The following PRKG2 variants were observed in gnomAD, a reference collection of about 807,000 sequenced individuals.
PRKG2 encodes the protein protein kinase cGMP-dependent 2, also known as cGMP-dependent protein kinase 2.
PRKG2 carries 33 observed loss-of-function variants against 97.2 expected under a neutral mutation model. That is an observed-to-expected ratio of 0.34 (90% CI 0.26 to 0.45). The LOEUF is 0.45. Among genes scored for constraint, PRKG2 ranks in the 20% least tolerant of loss-of-function variants. The pLI, the probability that PRKG2 is intolerant of heterozygous loss-of-function variation, is 1.00. For missense variants in PRKG2, 638 were observed against 900.0 expected (o/e 0.71, Z 3.73); for synonymous variants, 330 against 321.8 (o/e 1.03, Z -0.27).
intron 17 of PRKG2, among the ~76,000 whole-genome samples, chr4:81,100,645 C>G (rs568443454): frequency 1.6e-4 from 24 of 152,310 alleles, no homozygotes; most frequent in Non-Finnish European, 2.9e-4. Flanking sequence ...CCATTCAGGA[C>G]ATAGGCGTGG....
intron 1 of PRKG2, among the ~76,000 whole-genome samples, chr4:81,205,274 A>C (rs1181038993): frequency 6.6e-6 from 1 of 151,416 alleles, no homozygotes; most frequent in Non-Finnish European, 1.5e-5. Context: ...ATTTGGGTTC[A>C]TTCTTACCTG....
intron 2 of PRKG2, among the ~76,000 whole-genome samples, chr4:81,191,472 T>C (rs571949857): frequency 2.4e-4 from 37 of 152,102 alleles, no homozygotes; most frequent in African/African-American, 8.7e-4. Flanking sequence ...TTAGGAGAAA[T>C]ACCTAATGTA....
chr4:81,087,707 G>A lies in PRKG2; in HGVS notation c.*2001C>T, dbSNP rs1741230037. 6.6e-6 allele frequency: 1 copy of A among 152,098 alleles called. No homozygotes were observed. Among genetic ancestry groups the A allele is most frequent in the South Asian group, 2.1e-4 (1 of 4,832 alleles). The allele number at this position is 152,098 out of a possible 1,614,324, so 9.4% of individuals were successfully genotyped here. On this transcript the variant is annotated 3_prime_UTR_variant, in exon 19 of 19. Transcript: ENST00000264399. ...CACTTTCCCAGAGTCACTCAGTTAG[G>A]AAATGGTGGAGTTGGGATTATTCAA...
chr4:81,198,014 C>G (rs1753068487), intron 2 of PRKG2, among the ~76,000 whole-genome samples: 3 of 152,166 alleles, frequency 2.0e-5, no homozygotes, highest in Non-Finnish European at 4.4e-5. Context: ...CATTGTGCAT[C>G]CCCTTAGGAA....
At chr4:81,159,627 A>G (rs1749431479) in intron 6 of PRKG2, among the ~76,000 whole-genome samples, 2 of 152,170 alleles carry the variant, frequency 1.3e-5, no homozygotes, top group Non-Finnish European at 2.9e-5. Flanking sequence ...CCAAAGGACT[A>G]TAAATCATGC....
chr4:81,198,463 T>C (rs1753097978), intron 2 of PRKG2, among the ~76,000 whole-genome samples: 1 of 152,134 alleles, frequency 6.6e-6, no homozygotes, highest in Admixed American at 6.5e-5. Flanking sequence ...ACCTCTTCCT[T>C]TTTTTGGAGC....
Position 81,139,683 on chromosome 4 carries a change from G to A in PRKG2, c.1544+850C>T, listed in dbSNP as rs11937015. Among the ~76,000 whole-genome samples the A allele has an allele frequency of 1.6e-4, 24 of 150,936 alleles. 1 individual carries two copies. The South Asian group carries it at 2.9e-3, about 18-fold the overall frequency. ...CCAGCTACTCTGGAGGCTGAGGCAGGAGAATGGCGTGAACCCCAGAGGCGG... is the reference window on the plus strand; with the variant it reads ...CCAGCTACTCTGGAGGCTGAGGCAGAAGAATGGCGTGAACCCCAGAGGCGG... On this transcript the variant is annotated intron_variant, in intron 12 of 18. Transcript: ENST00000264399.
chr4:81,171,066 A>G (rs780251533), intron 4 of PRKG2, among the ~76,000 whole-genome samples: 2 of 152,116 alleles, frequency 1.3e-5, no homozygotes, highest in African/African-American at 2.4e-5. Flanking sequence ...TTTGTTTCAT[A>G]GATAAACGTG....
rs548139863 is a variant in PRKG2, at chr4:81,159,041, T to G, written c.913-5320A>C. Among the ~76,000 whole-genome samples, 41 of 152,214 alleles carry G rather than the reference T, an allele frequency of 2.7e-4. No homozygotes were observed. The South Asian group carries it at 8.1e-3, about 30-fold the overall frequency. Reference sequence around the variant, plus strand: ...AACCTAGGCATTACCATTCGGGACATAGGCATGGGCAAGGACTTCATGTCT... The same window carrying G: ...AACCTAGGCATTACCATTCGGGACAGAGGCATGGGCAAGGACTTCATGTCT... On this transcript the variant is annotated intron_variant, in intron 6 of 18. Coordinates refer to ENST00000264399, the MANE Select transcript of PRKG2 (RefSeq NM_006259.3).
chr4:81,145,491 G>A (rs1346009390), intron 9 of PRKG2, among the ~76,000 whole-genome samples: 5 of 151,900 alleles, frequency 3.3e-5, no homozygotes, highest in Non-Finnish European at 7.4e-5. Context: ...GTAGTTCTCT[G>A]AGGATCAGCC....
chr4:81,104,747 G>A (rs1423355026), intron 16 of PRKG2, among the ~76,000 whole-genome samples: 2 of 151,916 alleles, frequency 1.3e-5, no homozygotes, highest in Admixed American at 6.6e-5. Context: ...TGAGAAAACC[G>A]GGGCAAGCTT....
rs1013053056 is a variant in PRKG2 at position 81,096,634 on chromosome 4, T to C, written c.2127-4182A>G. On this transcript the variant is annotated intron_variant, in intron 17 of 18. Coordinates refer to ENST00000264399, the MANE Select transcript of PRKG2 (RefSeq NM_006259.3). ...GTTTATGTAATATTTAAATCCTTTG[T>C]TGTCATTTCAACAATATTCACAGCA... Among the ~76,000 whole-genome samples, 20 of 152,310 alleles carry C rather than the reference T, an allele frequency of 1.3e-4. No homozygotes were observed. The South Asian group carries it at 4.1e-3, about 32-fold the overall frequency.
At chr4:81,106,840 T>A (rs1743393451) in intron 15 of PRKG2, among the ~76,000 whole-genome samples, 1 of 152,206 alleles carries the variant, frequency 6.6e-6, no homozygotes, top group South Asian at 2.1e-4. Context: ...GCTAGTTGCC[T>A]GGCTTTTGGC....
At chr4:81,216,552 A>G (rs1326253641), upstream of PRKG2, among the ~76,000 whole-genome samples, 1 of 152,150 alleles carries the variant, frequency 6.6e-6, no homozygotes, top group East Asian at 1.9e-4. Context: ...AAAATTTCAG[A>G]TTCAGGGGTA....
chr4:81,163,321 A>T (rs1179768668), intron 6 of PRKG2, among the ~76,000 whole-genome samples: 1 of 152,144 alleles, frequency 6.6e-6, no homozygotes, highest in Admixed American at 6.5e-5. Context: ...GAGAAATGCA[A>T]ATAGTGTGGT....
At chr4:81,169,591 T>G (rs1484105145) in intron 5 of PRKG2, 72 bp downstream of exon 5, 10 of 1,094,954 alleles carry the variant, frequency 9.1e-6, no homozygotes, top group Non-Finnish European at 1.2e-5. Context: ...GAATAATTAT[T>G]CTGATAAAAC....
intron 5 of PRKG2, among the ~76,000 whole-genome samples, chr4:81,169,115 G>C (rs1447548289): frequency 6.6e-6 from 1 of 151,890 alleles, no homozygotes; most frequent in Non-Finnish European, 1.5e-5. Flanking sequence ...GTACAGAATA[G>C]TTCACAAAAT....
intron 1 of PRKG2, among the ~76,000 whole-genome samples, chr4:81,212,413 G>T (rs1442827938): frequency 2.0e-5 from 3 of 151,788 alleles, no homozygotes; most frequent in Non-Finnish European, 2.9e-5. Context: ...CAGAAATGTA[G>T]GTCTGTAAGT....
intron 2 of PRKG2, among the ~76,000 whole-genome samples, chr4:81,201,218 C>T (rs1432340128): frequency 1.3e-5 from 2 of 152,082 alleles, no homozygotes; most frequent in Admixed American, 6.6e-5. Context: ...AATAAAAATC[C>T]ATCAGATTCA....
Sources: allele counts gnomAD v4.1 joint callset (sites outside exome capture counted in the v4.1 genomes callset), GRCh38; gene constraint gnomAD v4.1.1; transcripts MANE v1.5; gene names NCBI Gene and HGNC (gene_info 2026-07-23, HGNC 2026-07-21).